Variants in NSD1 observed in about 807,000 individuals in gnomAD.
NSD1 encodes histone-lysine N-methyltransferase, H3 lysine-36 specific.
Under a neutral mutation model 242.7 loss-of-function variants are expected in NSD1, and 26 were observed. The ratio of observed to expected loss-of-function variants is 0.11; its 90% CI spans 0.08 to 0.15. The LOEUF is 0.15. Among genes scored for constraint, NSD1 ranks in the 10% least tolerant of loss-of-function variants. The pLI is 1.00. For synonymous variants in NSD1, 1,106 were observed against 1,178.1 expected (o/e 0.94, Z 1.25); for missense variants, 2,495 against 3,272.8 (o/e 0.76, Z 5.80).
At chr5:177,199,766 A>T (rs1762377452) in intron 3 of NSD1, among the ~76,000 whole-genome samples, 1 of 150,854 alleles carries the variant, frequency 6.6e-6, no homozygotes, top group Non-Finnish European at 1.5e-5. Context: ...CGCCCGGCTA[A>T]TTTAATTTTT....
Position 177,135,745 on chromosome 5 carries a change from A to C in NSD1, c.642A>C (p.Thr214=), listed in dbSNP as rs765612703. 21 of 1,614,102 alleles carry C rather than the reference A, an allele frequency of 1.3e-5. No homozygotes were observed. The Middle Eastern group carries it at 1.5e-3, about 114-fold the overall frequency. The stretch of plus-strand genomic sequence containing the variant: ...CCATGGGAAGTGAACAAGACAGCAC[A>C]CCAGAGAGTAGACACGGTGCAGTCA... ...KVAMGSEQDS[T]PESRHGAVKS... The change falls in exon 2 of 23, where the codon ACA becomes ACC. Residue 214 remains threonine (T), a synonymous_variant. Coordinates refer to ENST00000439151, the MANE Select transcript of NSD1 (RefSeq NM_022455.5).
intron 4 of NSD1, among the ~76,000 whole-genome samples, chr5:177,206,842 A>G (rs1762904060): frequency 6.9e-6 from 1 of 143,980 alleles, no homozygotes; most frequent in African/African-American, 2.7e-5. Flanking sequence ...ATTAGTGGAT[A>G]TGTGTTTCTG....
Position 177,282,449 on chromosome 5 carries a change from G to T in NSD1, c.5893-16G>T, listed in dbSNP as rs754700857. ...TCCTTTTTTGCCATTAAGTCAGGAG[G>T]TATTTCTTGTTCTAGGGTGAATTTG... is the stretch of plus-strand genomic sequence containing the variant. On this transcript the variant is annotated splice_polypyrimidine_tract_variant and intron_variant, in intron 18 of 22. Transcript: ENST00000439151. The T allele has an allele frequency of 1.3e-6, 2 of 1,543,948 alleles. No homozygotes were observed. Among genetic ancestry groups the T allele is most frequent in the Non-Finnish European group, 9.0e-7 (1 of 1,117,260 alleles).
intron 15 of NSD1, 79 bp downstream of exon 15, chr5:177,267,797 T>G: frequency 7.1e-7 from 1 of 1,400,392 alleles, no homozygotes; most frequent in Non-Finnish European, 1.0e-6. Flanking sequence ...CTTAACGTAT[T>G]TCTAATGATC....
chr5:177,145,876 C>G (rs1257341119), intron 2 of NSD1, among the ~76,000 whole-genome samples: 1 of 149,536 alleles, frequency 6.7e-6, no homozygotes, highest in Non-Finnish European at 1.5e-5. Flanking sequence ...CCATTGCACT[C>G]CAGCCTGGGC....
intron 3 of NSD1, among the ~76,000 whole-genome samples, chr5:177,198,607 G>A (rs1054413872): frequency 6.6e-6 from 1 of 151,958 alleles, no homozygotes; most frequent in Admixed American, 6.6e-5. Flanking sequence ...TTACTCCAAA[G>A]GCCTCACCTG....
intron 5 of NSD1, among the ~76,000 whole-genome samples, chr5:177,218,039 A>G (rs994736207): frequency 6.6e-6 from 1 of 152,014 alleles, no homozygotes; most frequent in Non-Finnish European, 1.5e-5. Flanking sequence ...TGACCTCCCA[A>G]GTAGCTGTGA....
chr5:177,136,095 A>T (rs774239599), intron 2 of NSD1, 65 bp downstream of exon 2: 8 of 1,412,512 alleles, frequency 5.7e-6, no homozygotes, highest in Non-Finnish European at 7.9e-6. Context: ...ACTTAAAGGG[A>T]AACTTGTAAC....
At chr5:177,259,943 A>AT in intron 13 of NSD1, 46 bp from the exon 14 acceptor site, 4 of 1,599,128 alleles carry the variant, frequency 2.5e-6, no homozygotes, top group Non-Finnish European at 3.4e-6. Context: ...TTTTATATTT[A>AT]ATATTTTTGT....
chr5:177,253,884 C>T (rs1274414006), intron 12 of NSD1, among the ~76,000 whole-genome samples: 4 of 152,284 alleles, frequency 2.6e-5, no homozygotes, highest in East Asian at 1.9e-4. Context: ...CAGTCCTCCT[C>T]GTTCAGCCTC....
chr5:177,293,232 T>TG (rs1401360477), intron 22 of NSD1, among the ~76,000 whole-genome samples: 1 of 152,268 alleles, frequency 6.6e-6, no homozygotes, highest in Admixed American at 6.5e-5. Context: ...TCATGAAATG[T>TG]GGGGAGGCAG....
At chr5:177,265,873 C>T in intron 14 of NSD1, 2 of 1,474,940 alleles carry the variant, frequency 1.4e-6, no homozygotes, top group South Asian at 2.3e-5. Context: ...GCTTCACTTG[C>T]AGGCAGAACG....
At chr5:177,288,633 TTC>T (rs1759531456) in intron 20 of NSD1, 184 bp from the exon 21 acceptor site, 2 of 557,184 alleles carry the variant, frequency 3.6e-6, no homozygotes, top group African/African-American at 1.9e-5. Flanking sequence ...CATTTAAGTT[TTC>T]TCTGTTAAAT....
At chr5:177,265,433 G>A (rs1581482679) in intron 14 of NSD1, 3 of 609,972 alleles carry the variant, frequency 4.9e-6, no homozygotes, top group African/African-American at 1.8e-5. Flanking sequence ...CAGTCATGAT[G>A]TGCCCTCCCC....
intron 9 of NSD1, among the ~76,000 whole-genome samples, chr5:177,245,458 C>T (rs1025883103): frequency 1.3e-5 from 2 of 152,034 alleles, no homozygotes; most frequent in African/African-American, 2.4e-5. Context: ...CTCAATCAGG[C>T]AGTCAAAAAA....
intron 12 of NSD1, among the ~76,000 whole-genome samples, chr5:177,253,776 G>T (rs1156352694): frequency 6.6e-6 from 1 of 152,196 alleles, no homozygotes. Flanking sequence ...GGGACTACAG[G>T]TGCTTGCCAC....
intron 2 of NSD1, among the ~76,000 whole-genome samples, chr5:177,178,534 A>G (rs767426109): frequency 2.8e-4 from 42 of 152,262 alleles, no homozygotes; most frequent in Middle Eastern, 3.4e-3. Flanking sequence ...CCTTTAATAG[A>G]CATGTTTTAA....
intron 3 of NSD1, among the ~76,000 whole-genome samples, chr5:177,201,465 T>C (rs1323216500): frequency 1.3e-5 from 2 of 152,174 alleles, no homozygotes; most frequent in African/African-American, 4.8e-5. Flanking sequence ...TAGTTTATGA[T>C]AGTGTTTAGA....
rs564961389 is a variant in NSD1, at chr5:177,143,356, C to T, written c.927+7326C>T. The stretch of plus-strand genomic sequence containing the variant: ...TTTTTTTTTGAGATGGAGTCTTGCT[C>T]TGTTGCACAGGTTCGAGGGCAGTGG... On this transcript the variant is annotated intron_variant, in intron 2 of 22. Coordinates refer to ENST00000439151, the MANE Select transcript of NSD1 (RefSeq NM_022455.5). Among the ~76,000 whole-genome samples the T allele has an allele frequency of 1.4e-4, 21 of 151,774 alleles. No individual in the cohort carries two copies. In the South Asian group the frequency reaches 4.4e-3, roughly 32 times the overall value.
Sources: allele counts gnomAD v4.1 joint callset (sites outside exome capture counted in the v4.1 genomes callset), GRCh38; gene constraint gnomAD v4.1.1; transcripts MANE v1.5; gene names NCBI Gene and HGNC (gene_info 2026-07-23, HGNC 2026-07-21).